ALG10B: variants seen among roughly 807,000 people sequenced by gnomAD.
The protein encoded by ALG10B is ALG10 alpha-1,2-glucosyltransferase B.
ALG10B carries 27 observed loss-of-function variants against 38.7 expected under a neutral mutation model. That is an observed-to-expected ratio of 0.70 (90% confidence interval 0.51 to 0.96). ALG10B has a LOEUF of 0.96. Among genes scored for constraint, ALG10B ranks in the 40% least tolerant of loss-of-function variants. ALG10B has a pLI of 0.00. For missense variants in ALG10B, 522 were observed against 542.7 expected (o/e 0.96, Z 0.38); for synonymous variants, 177 against 193.3 (o/e 0.92, Z 0.70).
In ALG10B at chr12:38,327,119, C is replaced by A. The variant is rs1156398279; in HGVS notation, c.*5906C>A. On this transcript the variant is annotated 3_prime_UTR_variant, in exon 3 of 3. Transcript: ENST00000308742. ...ATGTGTGTGTGTATACATATAATTT[C>A]TCCTTTTTTTTTTTTGTAAGAATTG... The A allele has an allele frequency of 4.1e-5, 2 of 48,612 alleles. No homozygotes were observed. The highest frequency in any genetic ancestry group is 1.2e-4 in the African/African-American group (2 of 16,282). 3.0% of individuals were successfully genotyped at this position (48,612 alleles called of 1,614,324 possible).
rs1222132848 is a variant in ALG10B, at chr12:38,325,820, C to A, written c.*4607C>A. The A allele has an allele frequency of 2.0e-5, 3 of 151,952 alleles. No homozygotes were observed. Among genetic ancestry groups the A allele is most frequent in the Admixed American group, 6.6e-5 (1 of 15,260 alleles). 9.4% of individuals were successfully genotyped at this position (151,952 alleles called of 1,614,324 possible). Reference sequence around the variant, plus strand: ...CAGTGTCTGATTGGTATGTGTATAACCTTATTTTAAAAAGGATTCATTCCT... The same window carrying A: ...CAGTGTCTGATTGGTATGTGTATAAACTTATTTTAAAAAGGATTCATTCCT... On this transcript the variant is annotated 3_prime_UTR_variant, in exon 3 of 3. Coordinates refer to ENST00000308742, the MANE Select transcript of ALG10B (RefSeq NM_001013620.4).
chr12:38,321,062 T>C lies in ALG10B; in HGVS notation c.1271T>C (p.Ile424Thr). The C allele has an allele frequency of 6.2e-7, 1 of 1,613,838 alleles. No homozygotes were observed. The highest frequency in any genetic ancestry group is 1.3e-5 in the African/African-American group (1 of 75,040). Reference sequence around the variant, plus strand: ...CGTTACTTCATTTTACCTTATGTCATTTATAGGCTTAACATAACTCTGCCT... The same window carrying C: ...CGTTACTTCATTTTACCTTATGTCACTTATAGGCTTAACATAACTCTGCCT... ...EFRYFILPYV[I>T]YRLNITLPPT... Residue 424 changes from isoleucine (I) to threonine (T), a missense_variant, in exon 3 of 3, where the codon ATT (isoleucine) becomes ACT (threonine). Coordinates refer to ENST00000308742, the MANE Select transcript of ALG10B (RefSeq NM_001013620.4).
Position 38,320,318 on chromosome 12 carries a change from C to G in ALG10B, c.527C>G (p.Ala176Gly), listed in dbSNP as rs751051428. Residue 176 changes from alanine to glycine, a missense_variant, in exon 3 of 3, where the codon GCC (alanine) becomes GGC (glycine). Transcript: ENST00000308742. ...MCLYGNHKTS[A>G]FLGFCGFMFR... ...CTTTATGGAAATCATAAAACTTCAG[C>G]CTTCCTTGGATTTTGTGGCTTCATG... 1.9e-6 allele frequency: 3 copies of G among 1,613,892 alleles called. No homozygotes were observed. The highest frequency in any genetic ancestry group is 2.5e-6 in the Non-Finnish European group (3 of 1,179,976).
chr12:38,324,305 T>C lies in ALG10B; in HGVS notation c.*3092T>C, dbSNP rs925152467. On this transcript the variant is annotated 3_prime_UTR_variant, in exon 3 of 3. Coordinates refer to ENST00000308742, the MANE Select transcript of ALG10B (RefSeq NM_001013620.4). ...TGCCTCGCCTCCCAAAGTGCTGGGA[T>C]TACAGGCGTGAGCCACTGTGCCCAG... The C allele has an allele frequency of 5.3e-6, 1 of 188,770 alleles. No individual in the cohort carries two copies. The highest frequency in any genetic ancestry group is 2.3e-5 in the African/African-American group (1 of 42,616). The allele number at this position is 188,770 out of a possible 1,614,324, so 11.7% of individuals were successfully genotyped here.
At position 38,321,311 on chromosome 12, in the gene ALG10B, T is replaced by C; in HGVS notation, c.*98T>C. The C allele has an allele frequency of 7.9e-7, 1 of 1,270,958 alleles. No individual in the cohort carries two copies. The highest frequency in any genetic ancestry group is 1.6e-5 in the South Asian group (1 of 62,532). 78.7% of individuals were successfully genotyped at this position (1,270,958 alleles called of 1,614,324 possible). On this transcript the variant is annotated 3_prime_UTR_variant, in exon 3 of 3. Coordinates refer to ENST00000308742, the MANE Select transcript of ALG10B (RefSeq NM_001013620.4). ...TGGAAAACATGGAATTTCTTTTAGG[T>C]GCAGTGGTGGTCCTCAAATTACATT... is the stretch of plus-strand genomic sequence containing the variant.
At position 38,321,242 on chromosome 12, in the gene ALG10B, G is replaced by A. The variant is rs376132127; in HGVS notation, c.*29G>A. 1.6e-5 allele frequency: 25 copies of A among 1,595,406 alleles called. No homozygotes were observed. The African/African-American group carries it at 2.6e-4, about 16-fold the overall frequency. On this transcript the variant is annotated 3_prime_UTR_variant, in exon 3 of 3. Coordinates refer to ENST00000308742, the MANE Select transcript of ALG10B (RefSeq NM_001013620.4). ...CAGTGATATTTTGAACTGTAAAAATGGACTTAATAATTAGACCATTTCTAC... is the reference window on the plus strand; with the variant it reads ...CAGTGATATTTTGAACTGTAAAAATAGACTTAATAATTAGACCATTTCTAC...
chr12:38,318,954 G>T (rs1945679413), intron 2 of ALG10B, among the ~76,000 whole-genome samples: 1 of 152,032 alleles, frequency 6.6e-6, no homozygotes, highest in Non-Finnish European at 1.5e-5. Context: ...TGTTAAATAA[G>T]AATAACAATA....
At chr12:38,317,286 T>C (rs1249880344) in intron 1 of ALG10B, 3 of 698,272 alleles carry the variant, frequency 4.3e-6, no homozygotes, top group East Asian at 5.6e-5. Context: ...GGAGGAGTGA[T>C]CTGGGAGAAT....
Position 38,324,107 on chromosome 12 carries a change from A to C in ALG10B, c.*2894A>C. On this transcript the variant is annotated 3_prime_UTR_variant, in exon 3 of 3. Transcript: ENST00000308742. ...GAATGCAATGGCGCGATCTTGGCTCACTGAAACCTCCACCTCCTGGGTTCA... is the reference window on the plus strand; with the variant it reads ...GAATGCAATGGCGCGATCTTGGCTCCCTGAAACCTCCACCTCCTGGGTTCA... 1.8e-6 allele frequency: 1 copy of C among 568,194 alleles called. No individual in the cohort carries two copies. The allele number at this position is 568,194 out of a possible 1,614,324, so 35.2% of individuals were successfully genotyped here. A position where few individuals can be genotyped will look rare whatever the true frequency, so the allele number is the denominator to read the frequency against.
At chr12:38,319,509 T>C (rs180791597) in intron 2 of ALG10B, among the ~76,000 whole-genome samples, 13 of 152,144 alleles carry the variant, frequency 8.5e-5, no homozygotes, top group Non-Finnish European at 1.8e-4. Flanking sequence ...GATTTAGTGA[T>C]TTAGATTAAG....
rs941264594 is a variant in ALG10B, at chr12:38,329,708, CAT to C, written c.*8496_*8497del. On this transcript the variant is annotated 3_prime_UTR_variant, in exon 3 of 3. Transcript: ENST00000308742. ...TTTTTATTTTGTTTCTAAATAAATT[CAT>C]GTTTGATAATATTTTATAATGTGTT... is the stretch of plus-strand genomic sequence containing the variant. 6.8e-6 allele frequency: 1 copy of C among 147,522 alleles called. No individual in the cohort carries two copies. Among genetic ancestry groups the C allele is most frequent in the African/African-American group, 2.5e-5 (1 of 39,342 alleles). 9.1% of individuals were successfully genotyped at this position (147,522 alleles called of 1,614,324 possible).
At position 38,318,440 on chromosome 12, in the gene ALG10B, G is replaced by A; in HGVS notation, c.351G>A (p.Lys117=). ...NFYLLYLLFH[K]VQPRNKAASS... ...ATTTACTATATTTGCTTTTCCACAAGGTACAACCCAGAAACAAGGTATGTT... is the reference window on the plus strand; with the variant it reads ...ATTTACTATATTTGCTTTTCCACAAAGTACAACCCAGAAACAAGGTATGTT... The change falls in exon 2 of 3, where the codon AAG becomes AAA. Residue 117 remains lysine (K), a synonymous_variant. Coordinates refer to ENST00000308742, the MANE Select transcript of ALG10B (RefSeq NM_001013620.4). 1.2e-6 allele frequency: 2 copies of A among 1,614,054 alleles called. No homozygotes were observed. The highest frequency in any genetic ancestry group is 1.7e-6 in the Non-Finnish European group (2 of 1,179,990).
Position 38,328,626 on chromosome 12 carries a change from T to G in ALG10B, c.*7413T>G, listed in dbSNP as rs1318505987. On this transcript the variant is annotated 3_prime_UTR_variant, in exon 3 of 3. Coordinates refer to ENST00000308742, the MANE Select transcript of ALG10B (RefSeq NM_001013620.4). ...ACAAAGATTTATAATCATTTATATCTATTTATCTAATGTTATTCAAATGTT... is the reference window on the plus strand; with the variant it reads ...ACAAAGATTTATAATCATTTATATCGATTTATCTAATGTTATTCAAATGTT... 1 of 152,174 alleles carries G rather than the reference T, an allele frequency of 6.6e-6. No homozygotes were observed. The highest frequency in any genetic ancestry group is 1.9e-4 in the East Asian group (1 of 5,202). The allele number at this position is 152,174 out of a possible 1,614,324, so 9.4% of individuals were successfully genotyped here. A position where few individuals can be genotyped will look rare whatever the true frequency, so the allele number is the denominator to read the frequency against.
rs529138537 is a variant in ALG10B at position 38,320,839 on chromosome 12, G to A, written c.1048G>A (p.Asp350Asn). 37 of 1,613,582 alleles carry A rather than the reference G, an allele frequency of 2.3e-5. No homozygotes were observed. In the South Asian group the frequency reaches 3.6e-4, roughly 16 times the overall value. ...FTYAHKYLLA[D>N]NRHYTFYVWK... Reference sequence around the variant, plus strand: ...TTATGCTCATAAATACTTGCTAGCAGACAATAGACATTATACTTTCTATGT... The same window carrying A: ...TTATGCTCATAAATACTTGCTAGCAAACAATAGACATTATACTTTCTATGT... Residue 350 changes from aspartate (D) to asparagine (N), a missense_variant, in exon 3 of 3, where the codon GAC becomes AAC. By Grantham distance (23) the Asp-to-Asn change is conservative (BLOSUM62 1). Transcript: ENST00000308742.
In ALG10B at chr12:38,326,259, T is replaced by TGTGTGGCCCAAGATGGTTCTTCCA. The variant is rs1336849400; in HGVS notation, c.*5057_*5080dup. 1.3e-5 allele frequency: 2 copies of TGTGTGGCCCAAGATGGTTCTTCCA among 151,904 alleles called. No individual in the cohort carries two copies. Among genetic ancestry groups the TGTGTGGCCCAAGATGGTTCTTCCA allele is most frequent in the African/African-American group, 4.8e-5 (2 of 41,422 alleles). 9.4% of individuals were successfully genotyped at this position (151,904 alleles called of 1,614,324 possible). On this transcript the variant is annotated 3_prime_UTR_variant, in exon 3 of 3. Transcript: ENST00000308742. ...CTATCATTAGTGTTCGTGTATTTTA[T>TGTGTGGCCCAAGATGGTTCTTCCA]GTGTGGCCCAAGATGGTTCTTCCAG...
chr12:38,324,806 GTAGA>G lies in ALG10B; in HGVS notation c.*3600_*3603del, dbSNP rs775056166. On this transcript the variant is annotated 3_prime_UTR_variant, in exon 3 of 3. Coordinates refer to ENST00000308742, the MANE Select transcript of ALG10B (RefSeq NM_001013620.4). ...TATTTGTGTTTTCAAAAGTTATTGAGTAGATAGATATTTTTTCATGAATTTTTAA... is the reference window on the plus strand; with the variant it reads ...TATTTGTGTTTTCAAAAGTTATTGAGTAGATATTTTTTCATGAATTTTTAA... The G allele has an allele frequency of 2.6e-5, 4 of 152,146 alleles. No individual in the cohort carries two copies. Among genetic ancestry groups the G allele is most frequent in the African/African-American group, 7.2e-5 (3 of 41,418 alleles). 9.4% of individuals were successfully genotyped at this position (152,146 alleles called of 1,614,324 possible). A position where few individuals can be genotyped will look rare whatever the true frequency, so the allele number is the denominator to read the frequency against.
intron 2 of ALG10B, among the ~76,000 whole-genome samples, chr12:38,319,756 G>T (rs948270788): frequency 6.6e-6 from 1 of 152,180 alleles, no homozygotes; most frequent in Non-Finnish European, 1.5e-5. Context: ...GGAAAGTGGT[G>T]ATTATGGCTA....
chr12:38,324,024 A>G lies in ALG10B; in HGVS notation c.*2811A>G. 1.5e-6 allele frequency: 1 copy of G among 681,434 alleles called. No homozygotes were observed. The highest frequency in any genetic ancestry group is 2.6e-6 in the Non-Finnish European group (1 of 378,094). The allele number at this position is 681,434 out of a possible 1,614,324, so 42.2% of individuals were successfully genotyped here. ...CTCTTTGGAGGGATCACTGTTCTAT[A>G]TCTTTTTTTGTTTGTTTTTGTCTTT... On this transcript the variant is annotated 3_prime_UTR_variant, in exon 3 of 3. Transcript: ENST00000308742.
chr12:38,320,090 C>A, intron 2 of ALG10B, 71 bp from the exon 3 acceptor site: 3 of 1,572,872 alleles, frequency 1.9e-6, no homozygotes, highest in Non-Finnish European at 2.6e-6. Context: ...TTAAATAAAT[C>A]TCTTCATTAG....
Sources: allele counts gnomAD v4.1 joint callset (sites outside exome capture counted in the v4.1 genomes callset), GRCh38; gene constraint gnomAD v4.1.1; transcripts MANE v1.5; gene names NCBI Gene and HGNC (gene_info 2026-07-23, HGNC 2026-07-21).